The following PLCG2 variants were observed in gnomAD, a reference collection of about 807,000 sequenced individuals.
The protein encoded by PLCG2 is 1-phosphatidylinositol 4,5-bisphosphate phosphodiesterase gamma-2.
Under a neutral mutation model 175.6 loss-of-function variants are expected in PLCG2, and 69 were observed. That is an observed-to-expected ratio of 0.39 (90% CI 0.32 to 0.48). The LOEUF (loss-of-function observed/expected upper bound fraction) is 0.48. PLCG2 is among the 20% of genes least tolerant of loss of function. The pLI is 0.91. For synonymous variants in PLCG2, 827 were observed against 624.0 expected, an observed-to-expected ratio of 1.33 and a Z score of -4.85; for missense variants, 1,798 against 1,650.9, an observed-to-expected ratio of 1.09 and a Z score of -1.54.
chr16:81,928,551 T>G lies in PLCG2; in HGVS notation c.2515-7T>G, dbSNP rs905385218. 6.3e-7 allele frequency: 1 copy of G among 1,588,102 alleles called. No homozygotes were observed. The highest frequency in any genetic ancestry group is 1.7e-5 in the Admixed American group (1 of 59,994). On this transcript the variant is annotated splice_region_variant and splice_polypyrimidine_tract_variant and intron_variant, in intron 23 of 32. Transcript: ENST00000564138. ...ACTAACGTGAGTTATGTCTTGTTTC[T>G]TCACAGATTATTGAAGACAATCCCT...
chr16:81,866,011 T>G (rs112679072), intron 5 of PLCG2, among the ~76,000 whole-genome samples: 727 of 69,096 alleles, frequency 0.011, 13 homozygotes, highest in African/African-American at 0.03. Flanking sequence ...CCTCTCCCTT[T>G]CTCCCAGGAT....
intron 2 of PLCG2, among the ~76,000 whole-genome samples, chr16:81,802,084 G>A (rs2143249710): frequency 8.3e-6 from 1 of 120,900 alleles, no homozygotes; most frequent in African/African-American, 2.9e-5. Context: ...TCCTTCAGGT[G>A]AGTACAGTCT....
rs1004640262 is a variant in PLCG2 at position 81,960,226 on chromosome 16, C to G, written c.*2228C>G. The G allele has an allele frequency of 4.5e-6, 1 of 220,774 alleles. No homozygotes were observed. 13.7% of individuals were successfully genotyped at this position (220,774 alleles called of 1,614,324 possible). A position where few individuals can be genotyped will look rare whatever the true frequency, so the allele number is the denominator to read the frequency against. ...TTCTTGGTGGTGTTAGGGACTGATT[C>G]TCTCAGGAAAGGCACACATGGTATG... On this transcript the variant is annotated 3_prime_UTR_variant, in exon 33 of 33. Coordinates refer to ENST00000564138, the MANE Select transcript of PLCG2 (RefSeq NM_002661.5).
At chr16:81,884,193 A>G (rs895169012) in intron 9 of PLCG2, among the ~76,000 whole-genome samples, 3 of 152,196 alleles carry the variant, frequency 2.0e-5, no homozygotes, top group African/African-American at 7.2e-5. Flanking sequence ...TCTACTAAAA[A>G]TACAAAAATT....
At chr16:81,766,511 C>A (rs1349471753) in intron 2 of PLCG2, among the ~76,000 whole-genome samples, 2 of 149,784 alleles carry the variant, frequency 1.3e-5, no homozygotes, top group African/African-American at 4.9e-5. Flanking sequence ...TCCTCCTCCT[C>A]CTCAGGTCAC....
chr16:81,772,466 G>A (rs998304433), intron 2 of PLCG2, among the ~76,000 whole-genome samples: 1 of 152,024 alleles, frequency 6.6e-6, no homozygotes, highest in Non-Finnish European at 1.5e-5. Context: ...GCAGCCTTTG[G>A]AAGGTAAGAC....
chr16:81,750,422 CAAA>C (rs35697599), intron 1 of PLCG2, among the ~76,000 whole-genome samples: 6 of 110,022 alleles, frequency 5.5e-5, no homozygotes, highest in African/African-American at 3.7e-5. Flanking sequence ...GACTCTGTCT[CAAA>C]AAAAAAAAAA....
chr16:81,935,782 C>T (rs2143724990), intron 26 of PLCG2: 1 of 985,276 alleles, frequency 1.0e-6, no homozygotes, highest in East Asian at 1.1e-4. Context: ...TCAGTTTGTT[C>T]ATCTTGTGTC....
chr16:81,936,057 G>A lies in PLCG2; in HGVS notation c.2843-112G>A, dbSNP rs185453240. 5 of 1,489,298 alleles carry A rather than the reference G, an allele frequency of 3.4e-6. No individual in the cohort carries two copies. The African/African-American group carries it at 5.6e-5, about 17-fold the overall frequency. The allele number at this position is 1,489,298 out of a possible 1,614,324, so 92.3% of individuals were successfully genotyped here. ...ATCAGAACCCCTTGAATGTCAAAGA[G>A]GGAGATTCCTGGTTTCCTTTTATAA... On this transcript the variant is annotated intron_variant, in intron 26 of 32. Coordinates refer to ENST00000564138, the MANE Select transcript of PLCG2 (RefSeq NM_002661.5).
intron 19 of PLCG2, among the ~76,000 whole-genome samples, chr16:81,917,706 T>G (rs1909899554): frequency 6.6e-6 from 1 of 152,200 alleles, no homozygotes. Context: ...TCTATTCAGA[T>G]CCTTTGTCCA....
At chr16:81,954,485 C>A (rs374787358) in intron 31 of PLCG2, among the ~76,000 whole-genome samples, 19 of 152,228 alleles carry the variant, frequency 1.2e-4, no homozygotes, top group African/African-American at 4.1e-4. Context: ...GGTTTTAAGT[C>A]CCACATGCAT....
chr16:81,952,929 C>T (rs1283226385), intron 31 of PLCG2, among the ~76,000 whole-genome samples: 1 of 152,192 alleles, frequency 6.6e-6, no homozygotes, highest in Non-Finnish European at 1.5e-5. Context: ...ATAGACCCTG[C>T]AGCTACCATC....
chr16:81,756,337 A>T (rs1393605337), intron 2 of PLCG2, among the ~76,000 whole-genome samples: 7 of 152,226 alleles, frequency 4.6e-5, no homozygotes, highest in Non-Finnish European at 8.8e-5. Context: ...AGTGCATAGT[A>T]TATGCCAGTC....
At chr16:81,864,615 C>T (rs1232116324) in intron 5 of PLCG2, among the ~76,000 whole-genome samples, 2 of 152,192 alleles carry the variant, frequency 1.3e-5, no homozygotes, top group Non-Finnish European at 2.9e-5. Flanking sequence ...TGTGAGGCTT[C>T]AGGAGTTAAT....
chr16:81,761,403 A>T (rs1211604970), intron 2 of PLCG2, among the ~76,000 whole-genome samples: 2 of 152,180 alleles, frequency 1.3e-5, no homozygotes, highest in East Asian at 1.9e-4. Context: ...CTTAAATGTA[A>T]GTGTATTGTA....
chr16:81,858,061 C>A, intron 3 of PLCG2: 1 of 556,580 alleles, frequency 1.8e-6, no homozygotes. Context: ...CAAAGCTCAT[C>A]ATGAATGTGT....
chr16:81,836,899 C>T (rs922311666), intron 2 of PLCG2, among the ~76,000 whole-genome samples: 1 of 152,132 alleles, frequency 6.6e-6, no homozygotes, highest in Non-Finnish European at 1.5e-5. Context: ...GTGTCAGGAC[C>T]CCTGCTGTGC....
intron 5 of PLCG2, among the ~76,000 whole-genome samples, chr16:81,868,862 C>T (rs1005601041): frequency 1.1e-4 from 17 of 152,330 alleles, no homozygotes; most frequent in Non-Finnish European, 2.1e-4. Context: ...TACTGGGGAT[C>T]TCCAGTGTAG....
chr16:81,861,012 A>G (rs928975019), intron 5 of PLCG2, among the ~76,000 whole-genome samples: 1 of 151,986 alleles, frequency 6.6e-6, no homozygotes, highest in South Asian at 2.1e-4. Flanking sequence ...ACAAAAAACA[A>G]CAAAAAAACC....
Sources: allele counts gnomAD v4.1 joint callset (sites outside exome capture counted in the v4.1 genomes callset), GRCh38; gene constraint gnomAD v4.1.1; transcripts MANE v1.5; gene names NCBI Gene and HGNC (gene_info 2026-07-23, HGNC 2026-07-21).